Variants in HSPA12A observed in about 807,000 individuals in gnomAD.
The protein encoded by HSPA12A is heat shock 70 kDa protein 12A.
Under a neutral mutation model 69.2 loss-of-function variants are expected in HSPA12A, and 28 were observed. The observed-to-expected ratio is 0.40, with a 90% CI of 0.30 to 0.55. The LOEUF is 0.55. Ranked by LOEUF, HSPA12A falls within the 20% of genes least tolerant of loss-of-function variation. The probability of loss-of-function intolerance (pLI) is 0.38; values close to 1 mark genes in which losing one functional copy is unlikely to be tolerated. For missense variants in HSPA12A, 686 were observed against 900.7 expected (o/e 0.76, Z 3.05); for synonymous variants, 345 against 370.5 (o/e 0.93, Z 0.79).
chr10:116,721,471 T>C (rs892102900), intron 1 of HSPA12A, among the ~76,000 whole-genome samples: 1 of 152,134 alleles, frequency 6.6e-6, no homozygotes, highest in Non-Finnish European at 1.5e-5. Flanking sequence ...CTTTTTATAT[T>C]GTACCAAGCC....
At chr10:116,689,799 GAA>G (rs59745092) in intron 6 of HSPA12A, among the ~76,000 whole-genome samples, 74,989 of 146,322 alleles carry the variant, frequency 0.51, 20,102 homozygotes, top group African/African-American at 0.7. Context: ...AAAGGCAGGG[GAA>G]AAAAAAAAAA....
At chr10:116,832,979 A>T (rs747885442) in intron 2 of HSPA12A, 1 of 152,164 alleles carries the variant, frequency 6.6e-6, no homozygotes, top group Non-Finnish European at 1.5e-5. Context: ...TCATGAGACA[A>T]GGAAAGGAAG....
intron 6 of HSPA12A, among the ~76,000 whole-genome samples, chr10:116,688,380 C>T (rs982241199): frequency 2.6e-5 from 4 of 152,244 alleles, no homozygotes; most frequent in Non-Finnish European, 5.9e-5. Context: ...GAATTCGGGG[C>T]AGCAGGAGCG....
At chr10:116,788,959 G>A (rs578034612) in intron 2 of HSPA12A, among the ~76,000 whole-genome samples, 2 of 150,094 alleles carry the variant, frequency 1.3e-5, no homozygotes, top group South Asian at 2.1e-4. Flanking sequence ...TCTACCTCCC[G>A]GGTTCAAGCA....
chr10:116,740,787 T>C (rs1851475713), intron 1 of HSPA12A, among the ~76,000 whole-genome samples: 1 of 151,438 alleles, frequency 6.6e-6, no homozygotes, highest in African/African-American at 2.4e-5. Flanking sequence ...TACACATTCC[T>C]GCCCACTTCT....
At chr10:116,687,454 C>T (rs1327836729) in intron 6 of HSPA12A, among the ~76,000 whole-genome samples, 1 of 152,166 alleles carries the variant, frequency 6.6e-6, no homozygotes, top group Non-Finnish European at 1.5e-5. Context: ...ATGGAAGCCA[C>T]AGTAGAGAGC....
intron 2 of HSPA12A, among the ~76,000 whole-genome samples, chr10:116,786,390 T>C (rs1014776997): frequency 5.9e-5 from 9 of 151,846 alleles, no homozygotes; most frequent in Non-Finnish European, 7.4e-5. Context: ...CCAGGGCCTA[T>C]GGCCCCTCAG....
intron 2 of HSPA12A, among the ~76,000 whole-genome samples, chr10:116,817,102 C>G (rs1845320409): frequency 6.6e-6 from 1 of 152,172 alleles, no homozygotes; most frequent in Non-Finnish European, 1.5e-5. Context: ...TACCCCTTCC[C>G]CCACCCCACC....
chr10:116,687,541 C>T (rs1186594164), intron 6 of HSPA12A, among the ~76,000 whole-genome samples: 6 of 152,124 alleles, frequency 3.9e-5, no homozygotes, highest in African/African-American at 1.2e-4. Context: ...CTGTGGACTC[C>T]GAGAAAAGGA....
At chr10:116,733,732 C>T (rs940198311) in intron 1 of HSPA12A, among the ~76,000 whole-genome samples, 4 of 152,146 alleles carry the variant, frequency 2.6e-5, no homozygotes, top group Non-Finnish European at 5.9e-5. Context: ...ACTGTAGGCT[C>T]TTCCTATTGG....
chr10:116,709,446 C>CAAAAAA (rs543929917), intron 1 of HSPA12A, among the ~76,000 whole-genome samples: 3 of 69,370 alleles, frequency 4.3e-5, no homozygotes, highest in African/African-American at 5.6e-5. Context: ...GACTCCATCT[C>CAAAAAA]AAAAAAAAAA....
At chr10:116,701,690 C>T (rs1420306382) in intron 3 of HSPA12A, among the ~76,000 whole-genome samples, 2 of 152,310 alleles carry the variant, frequency 1.3e-5, no homozygotes, top group Non-Finnish European at 2.9e-5. Context: ...CCAGGCTGCT[C>T]AGAGGTGGGC....
chr10:116,811,875 C>T (rs899675822), intron 2 of HSPA12A, among the ~76,000 whole-genome samples: 2 of 152,158 alleles, frequency 1.3e-5, no homozygotes, highest in South Asian at 2.1e-4. Flanking sequence ...CAAGTGCCAC[C>T]GCAGGGATTC....
At chr10:116,730,098 G>C (rs782237869) in intron 1 of HSPA12A, among the ~76,000 whole-genome samples, 1 of 152,156 alleles carries the variant, frequency 6.6e-6, no homozygotes, top group African/African-American at 2.4e-5. Context: ...CAGAAGAATC[G>C]CTTGAACCCT....
chr10:116,773,195 G>C (rs911892638), intron 2 of HSPA12A, among the ~76,000 whole-genome samples: 1 of 152,248 alleles, frequency 6.6e-6, no homozygotes, highest in South Asian at 2.1e-4. Context: ...GCAAGAGCAG[G>C]CCCAGGTGGG....
intron 1 of HSPA12A, among the ~76,000 whole-genome samples, chr10:116,840,004 T>TACGG (rs1845779926): frequency 6.6e-6 from 1 of 151,980 alleles, no homozygotes; most frequent in East Asian, 1.9e-4. Flanking sequence ...ACAGCATACA[T>TACGG]ACGGACGGGA....
intron 1 of HSPA12A, among the ~76,000 whole-genome samples, chr10:116,734,928 C>T (rs1444173508): frequency 2.0e-5 from 3 of 151,914 alleles, no homozygotes; most frequent in African/African-American, 7.3e-5. Flanking sequence ...GGAGGCGGAG[C>T]TTGCAGTGAG....
chr10:116,696,097 C>T (rs558392069), intron 5 of HSPA12A, among the ~76,000 whole-genome samples: 1 of 151,604 alleles, frequency 6.6e-6, no homozygotes, highest in South Asian at 2.1e-4. Context: ...GCATTGAAGG[C>T]TCCATCTTAG....
At chr10:116,775,957 A>T (rs1379760021) in intron 2 of HSPA12A, among the ~76,000 whole-genome samples, 1 of 152,188 alleles carries the variant, frequency 6.6e-6, no homozygotes, top group African/African-American at 2.4e-5. Flanking sequence ...GTGCCATAAA[A>T]GAAGTTAATG....
Sources: allele counts gnomAD v4.1 joint callset (sites outside exome capture counted in the v4.1 genomes callset), GRCh38; gene constraint gnomAD v4.1.1; transcripts MANE v1.5; gene names NCBI Gene and HGNC (gene_info 2026-07-23, HGNC 2026-07-21).